Variants in MLLT3 observed in about 807,000 individuals in gnomAD.
The protein encoded by MLLT3 is protein AF-9.
In MLLT3, 4 loss-of-function variants were observed where a neutral mutation model predicts 53.2. The ratio of observed to expected loss-of-function variants is 0.08; its 90% CI spans 0.04 to 0.17. MLLT3 has a LOEUF of 0.17. Ranked by LOEUF, MLLT3 falls within the 10% of genes least tolerant of loss-of-function variation. MLLT3 has a pLI of 1.00. For missense variants in MLLT3, 569 were observed against 684.0 expected, an observed-to-expected ratio of 0.83 and a Z score of 1.87; for synonymous variants, 283 against 230.6, an observed-to-expected ratio of 1.23 and a Z score of -2.06.
At chr9:20,478,436 A>G (rs1824579816) in intron 2 of MLLT3, among the ~76,000 whole-genome samples, 1 of 152,116 alleles carries the variant, frequency 6.6e-6, no homozygotes, top group African/African-American at 2.4e-5. Flanking sequence ...GGACTGACTA[A>G]CATGCCTCTT....
intron 2 of MLLT3, among the ~76,000 whole-genome samples, chr9:20,514,939 ATTTTTTT>A (rs35816235): frequency 1.1e-5 from 1 of 88,734 alleles, no homozygotes. Flanking sequence ...TGAAGGAACA[ATTTTTTT>A]TTTTTTTTTT....
At chr9:20,408,916 G>C (rs1468009730) in intron 5 of MLLT3, among the ~76,000 whole-genome samples, 3 of 151,990 alleles carry the variant, frequency 2.0e-5, no homozygotes, top group South Asian at 4.2e-4. Context: ...CTGGTAAGGT[G>C]ATTTAAAGCA....
rs925280508 is a variant in MLLT3, at chr9:20,448,028, T to C, written c.420+95A>G. 1.4e-6 allele frequency: 2 copies of C among 1,387,730 alleles called. No homozygotes were observed. The highest frequency in any genetic ancestry group is 2.0e-6 in the Non-Finnish European group (2 of 1,019,480). 86.0% of individuals were successfully genotyped at this position (1,387,730 alleles called of 1,614,324 possible). A position where few individuals can be genotyped will look rare whatever the true frequency, so the allele number is the denominator to read the frequency against. On this transcript the variant is annotated intron_variant, in intron 4 of 10. Coordinates refer to ENST00000380338, the MANE Select transcript of MLLT3 (RefSeq NM_004529.4). This position sits in a 1 kb window ranked among gnomAD's most constrained non-coding sequence, Gnocchi z 4.0. ...TTCTTTTACCTCTCCCAAAACCTTA[T>C]ACTTTTTAACACATGAGGAACTAGT...
At chr9:20,561,067 T>C (rs1393836547) in intron 2 of MLLT3, among the ~76,000 whole-genome samples, 3 of 152,196 alleles carry the variant, frequency 2.0e-5, no homozygotes, top group Non-Finnish European at 4.4e-5. Context: ...GGAACATGTA[T>C]CTACTTTATT....
chr9:20,503,562 C>T (rs779173393), intron 2 of MLLT3, among the ~76,000 whole-genome samples: 1 of 152,062 alleles, frequency 6.6e-6, no homozygotes, highest in East Asian at 1.9e-4. Flanking sequence ...ACTAAAGATT[C>T]AAATGTAAAC....
At chr9:20,520,904 C>T (rs1563798962) in intron 2 of MLLT3, among the ~76,000 whole-genome samples, 1 of 152,084 alleles carries the variant, frequency 6.6e-6, no homozygotes, top group Non-Finnish European at 1.5e-5. Context: ...TGAGGGAAGA[C>T]TAAGAGTGGG....
chr9:20,357,980 C>CACACACACACCA (rs1821212502), intron 8 of MLLT3, among the ~76,000 whole-genome samples: 1 of 141,288 alleles, frequency 7.1e-6, no homozygotes, highest in Admixed American at 7.0e-5. Context: ...CTCCCTCCTG[C>CACACACACACCA]GCACACACAC....
At chr9:20,528,917 C>T (rs902644390) in intron 2 of MLLT3, among the ~76,000 whole-genome samples, 11 of 152,170 alleles carry the variant, frequency 7.2e-5, no homozygotes, top group African/African-American at 2.4e-4. Context: ...AGTTAATATA[C>T]AAGGCCCCAA....
intron 2 of MLLT3, among the ~76,000 whole-genome samples, chr9:20,481,855 G>T (rs182531120): frequency 1.8e-4 from 28 of 152,308 alleles, no homozygotes; most frequent in Non-Finnish European, 3.4e-4. Flanking sequence ...AAGTCAACTA[G>T]AAGAGGAATA....
At chr9:20,457,477 G>A (rs997349926) in intron 2 of MLLT3, among the ~76,000 whole-genome samples, 5 of 151,704 alleles carry the variant, frequency 3.3e-5, no homozygotes, top group East Asian at 1.9e-4. Flanking sequence ...TTGAACTCCC[G>A]ACCTCAGGTG....
intron 2 of MLLT3, among the ~76,000 whole-genome samples, chr9:20,510,751 GA>G (rs913440228): frequency 2.6e-5 from 4 of 152,122 alleles, no homozygotes; most frequent in African/African-American, 9.6e-5. Context: ...CAATCTTCCA[GA>G]AAGCATTTGG....
At chr9:20,378,174 A>T (rs1671256058) in intron 5 of MLLT3, among the ~76,000 whole-genome samples, 1 of 152,116 alleles carries the variant, frequency 6.6e-6, no homozygotes, top group Admixed American at 6.5e-5. Flanking sequence ...ATGAAAGTAC[A>T]GCATAACTTA....
At chr9:20,495,314 C>G (rs533096879) in intron 2 of MLLT3, among the ~76,000 whole-genome samples, 1 of 152,158 alleles carries the variant, frequency 6.6e-6, no homozygotes, top group African/African-American at 2.4e-5. Flanking sequence ...CTCAGACTCC[C>G]CACTGCGACC....
chr9:20,567,202 G>A (rs538470149), intron 2 of MLLT3, among the ~76,000 whole-genome samples: 35 of 146,900 alleles, frequency 2.4e-4, no homozygotes, highest in Admixed American at 2.1e-3. Context: ...AAAAAAGTAG[G>A]GCTGAAAAAA....
chr9:20,605,173 T>G (rs1184065208), intron 2 of MLLT3, among the ~76,000 whole-genome samples: 2 of 152,050 alleles, frequency 1.3e-5, no homozygotes, highest in Non-Finnish European at 2.9e-5. Flanking sequence ...ATAATGATTT[T>G]TATAAAAGAA....
In MLLT3 at chr9:20,345,238, G is replaced by T. The variant is rs1387417136; in HGVS notation, c.*1205C>A. On this transcript the variant is annotated 3_prime_UTR_variant, in exon 11 of 11. Coordinates refer to ENST00000380338, the MANE Select transcript of MLLT3 (RefSeq NM_004529.4). Reference sequence around the variant, plus strand: ...GCAACTAAACAGGTATTGAACCACTGAATCTACAAGTTAATACATAATCTG... The same window carrying T: ...GCAACTAAACAGGTATTGAACCACTTAATCTACAAGTTAATACATAATCTG... The T allele has an allele frequency of 4.5e-6, 1 of 221,452 alleles. No homozygotes were observed. The highest frequency in any genetic ancestry group is 9.0e-6 in the Non-Finnish European group (1 of 110,638). 13.7% of individuals were successfully genotyped at this position (221,452 alleles called of 1,614,324 possible). A position where few individuals can be genotyped will look rare whatever the true frequency, so the allele number is the denominator to read the frequency against.
intron 5 of MLLT3, among the ~76,000 whole-genome samples, chr9:20,390,998 G>C (rs760524200): frequency 1.3e-5 from 2 of 152,170 alleles, no homozygotes; most frequent in Non-Finnish European, 2.9e-5. Flanking sequence ...TTACATGCTT[G>C]CATGTAGTAA....
At chr9:20,367,371 C>T (rs1350429962) in intron 5 of MLLT3, among the ~76,000 whole-genome samples, 1 of 152,160 alleles carries the variant, frequency 6.6e-6, no homozygotes, top group African/African-American at 2.4e-5. Context: ...AGACTGCCAG[C>T]ACTTGAAAAA....
intron 2 of MLLT3, among the ~76,000 whole-genome samples, chr9:20,481,344 A>G (rs951729390): frequency 2.6e-5 from 4 of 152,266 alleles, no homozygotes; most frequent in Non-Finnish European, 4.4e-5. Context: ...ACATTTTCCT[A>G]TTTTCCTCAG....
Sources: allele counts gnomAD v4.1 joint callset (sites outside exome capture counted in the v4.1 genomes callset), GRCh38; gene constraint gnomAD v4.1.1; non-coding constraint Gnocchi (gnomAD v3.1); transcripts MANE v1.5; gene names NCBI Gene and HGNC (gene_info 2026-07-23, HGNC 2026-07-21).